The following JMJD1C variants were observed in gnomAD, a reference collection of about 807,000 sequenced individuals.
JMJD1C encodes the protein jumonji domain containing 1C, also known as jumonji domain-containing protein 1C.
JMJD1C carries 31 observed loss-of-function variants against 245.3 expected under a neutral mutation model. The observed-to-expected ratio is 0.13, with a 90% CI of 0.09 to 0.17. JMJD1C has a LOEUF of 0.17. Ranked by LOEUF, JMJD1C falls within the 10% of genes least tolerant of loss-of-function variation. The pLI is 1.00. For synonymous variants in JMJD1C, 1,057 were observed against 1,017.4 expected (o/e 1.04, Z -0.74); for missense variants, 2,691 against 3,000.2 (o/e 0.90, Z 2.41).
chr10:63,202,038 T>C (rs1408648417), intron 10 of JMJD1C, among the ~76,000 whole-genome samples: 2 of 152,134 alleles, frequency 1.3e-5, no homozygotes, highest in Non-Finnish European at 2.9e-5. Flanking sequence ...GTGGATCACT[T>C]GAGGCCAGGA....
chr10:63,476,883 C>T (rs990642925), intron 1 of JMJD1C, among the ~76,000 whole-genome samples: 1 of 152,082 alleles, frequency 6.6e-6, no homozygotes, highest in African/African-American at 2.4e-5. Context: ...AAAGAAATCT[C>T]TAGACAAGGA....
intron 1 of JMJD1C, among the ~76,000 whole-genome samples, chr10:63,488,803 G>C (rs1013300198): frequency 6.6e-6 from 1 of 152,206 alleles, no homozygotes; most frequent in African/African-American, 2.4e-5. Context: ...AGTGGGTGTT[G>C]AGAGGAGCTT....
intron 1 of JMJD1C, among the ~76,000 whole-genome samples, chr10:63,424,028 T>C (rs1015993407): frequency 6.6e-6 from 1 of 152,228 alleles, no homozygotes; most frequent in African/African-American, 2.4e-5. Flanking sequence ...TTATATATTC[T>C]GCATATTAAA....
At chr10:63,307,837 T>A (rs769307659) in intron 2 of JMJD1C, among the ~76,000 whole-genome samples, 49 of 152,132 alleles carry the variant, frequency 3.2e-4, no homozygotes, top group Admixed American at 5.2e-4. Context: ...CTGTGCTTCA[T>A]CATCATATCC....
intron 1 of JMJD1C, among the ~76,000 whole-genome samples, chr10:63,395,078 A>G (rs907139122): frequency 1.3e-5 from 2 of 152,212 alleles, no homozygotes; most frequent in Non-Finnish European, 2.9e-5. Context: ...ACTAAAGAAG[A>G]CATACAGGCA....
At chr10:63,418,892 T>A (rs1426276981) in intron 1 of JMJD1C, among the ~76,000 whole-genome samples, 1 of 147,854 alleles carries the variant, frequency 6.8e-6, no homozygotes, top group African/African-American at 2.5e-5. Context: ...GCCTGGCCAA[T>A]ATAGTGAAAC....
intron 13 of JMJD1C, chr10:63,194,686 A>C (rs1030822992): frequency 4.2e-6 from 1 of 235,674 alleles, no homozygotes; most frequent in Non-Finnish European, 8.5e-6. Flanking sequence ...CTTTGTAGCT[A>C]ATCTTCTATC....
Position 63,213,928 on chromosome 10 carries a change from T to C in JMJD1C, c.2239A>G (p.Thr747Ala), listed in dbSNP as rs1847662769. 6 of 1,614,102 alleles carry C rather than the reference T, an allele frequency of 3.7e-6. No homozygotes were observed. The highest frequency in any genetic ancestry group is 5.1e-6 in the Non-Finnish European group (6 of 1,179,994). Residue 747 changes from threonine to alanine, a missense_variant, in exon 8 of 26, where the codon ACC (threonine) becomes GCC (alanine). Thr to Ala is a moderately conservative substitution (Grantham distance 58). Transcript: ENST00000399262. Reference protein sequence around the residue: ...PFPLHSSSHRTCLNPGTHHPA... With the variant: ...PFPLHSSSHRACLNPGTHHPA... The stretch of plus-strand genomic sequence containing the variant: ...TGATGGGTACCTGGATTTAAACAGG[T>C]TCTATGAGATGAGGAGTGAAGAGGA...
chr10:63,487,986 G>A (rs189285009), intron 1 of JMJD1C, among the ~76,000 whole-genome samples: 53 of 152,292 alleles, frequency 3.5e-4, no homozygotes, highest in African/African-American at 1.2e-3. Flanking sequence ...GACACAGAGA[G>A]GTGAAAGTTA....
At chr10:63,427,982 C>G (rs1950539400) in intron 1 of JMJD1C, 1 of 694,456 alleles carries the variant, frequency 1.4e-6, no homozygotes, top group Non-Finnish European at 2.7e-6. Flanking sequence ...GCATCCCAGA[C>G]AGTTTGGCTT....
At chr10:63,211,413 C>G (rs1319489613) in intron 8 of JMJD1C, among the ~76,000 whole-genome samples, 1 of 150,252 alleles carries the variant, frequency 6.7e-6, no homozygotes, top group African/African-American at 2.5e-5. Context: ...TTGCAGTGAG[C>G]CAAGACTGTA....
At chr10:63,291,797 T>C (rs1858754297) in intron 2 of JMJD1C, among the ~76,000 whole-genome samples, 1 of 152,174 alleles carries the variant, frequency 6.6e-6, no homozygotes, top group Non-Finnish European at 1.5e-5. Flanking sequence ...TGCAATGCTT[T>C]TGCTATCCTA....
At chr10:63,312,340 T>C (rs143497446) in intron 2 of JMJD1C, among the ~76,000 whole-genome samples, 20 of 152,220 alleles carry the variant, frequency 1.3e-4, no homozygotes, top group African/African-American at 4.6e-4. Context: ...ACTCCTGACC[T>C]CAGGTGATCC....
intron 2 of JMJD1C, among the ~76,000 whole-genome samples, chr10:63,265,904 T>G (rs953375904): frequency 1.3e-5 from 2 of 152,104 alleles, no homozygotes; most frequent in Non-Finnish European, 2.9e-5. Context: ...TCTTAAAAAA[T>G]ATATAACATT....
At chr10:63,217,890 C>T (rs1249956638) in intron 4 of JMJD1C, among the ~76,000 whole-genome samples, 1 of 152,000 alleles carries the variant, frequency 6.6e-6, no homozygotes, top group East Asian at 1.9e-4. Context: ...TTGTGCTAAA[C>T]TCACTTTTTC....
chr10:63,417,466 C>G (rs928089430), intron 1 of JMJD1C, among the ~76,000 whole-genome samples: 2 of 152,100 alleles, frequency 1.3e-5, no homozygotes, highest in Non-Finnish European at 2.9e-5. Flanking sequence ...TAAGCCTGCC[C>G]AATTACAAAT....
intron 2 of JMJD1C, among the ~76,000 whole-genome samples, chr10:63,288,106 T>C (rs1858196638): frequency 6.6e-6 from 1 of 152,168 alleles, no homozygotes; most frequent in South Asian, 2.1e-4. Flanking sequence ...ATACTGAATT[T>C]TCTATCCATG....
intron 3 of JMJD1C, among the ~76,000 whole-genome samples, chr10:63,256,965 T>A (rs537270685): frequency 4.6e-5 from 7 of 152,250 alleles, no homozygotes; most frequent in African/African-American, 1.4e-4. Flanking sequence ...CCAGGCGCAG[T>A]GGCTTACACC....
At chr10:63,196,273 G>GAAAAAT (rs1845448260) in intron 13 of JMJD1C, among the ~76,000 whole-genome samples, 1 of 151,030 alleles carries the variant, frequency 6.6e-6, no homozygotes, top group Non-Finnish European at 1.5e-5. Flanking sequence ...AAAAGAAAAA[G>GAAAAAT]AAAAAGAGAA....
Sources: gnomAD v4.1 joint callset for allele counts (sites outside exome capture counted in the v4.1 genomes callset) on GRCh38, gnomAD v4.1.1 for gene constraint, MANE v1.5 for transcripts, NCBI Gene and HGNC (gene_info 2026-07-23, HGNC 2026-07-21) for gene names.